WSCD1: variants seen among roughly 807,000 people sequenced by gnomAD.
WSCD1 encodes sialate:O-sulfotransferase 1.
A neutral mutation model predicts 60.4 loss-of-function variants in WSCD1; 41 were observed. The observed-to-expected ratio is 0.68, with a 90% CI of 0.53 to 0.88. The LOEUF is 0.88. Ranked by LOEUF, WSCD1 falls within the 40% of genes least tolerant of loss-of-function variation. WSCD1 has a pLI of 0.00. For missense variants in WSCD1, 784 were observed against 796.2 expected, an observed-to-expected ratio of 0.98 and a Z score of 0.18; for synonymous variants, 361 against 332.5, an observed-to-expected ratio of 1.09 and a Z score of -0.93.
intron 2 of WSCD1, among the ~76,000 whole-genome samples, chr17:6,087,093 G>A (rs1436050902): frequency 6.6e-6 from 1 of 152,208 alleles, no homozygotes; most frequent in African/African-American, 2.4e-5. Context: ...ACGGCTTGGG[G>A]ACTGTGTGAC....
At position 6,120,174 on chromosome 17, in the gene WSCD1, G is replaced by A; in HGVS notation, c.1376-135G>A. On this transcript the variant is annotated intron_variant, in intron 8 of 8. Coordinates refer to ENST00000317744, the MANE Select transcript of WSCD1 (RefSeq NM_015253.2). ...AGCCACCAAAGGGTCCTCCTCCATG[G>A]GGAATGCCAGGTTGACTCTAGGCAG... The A allele has an allele frequency of 6.1e-6, 6 of 976,560 alleles. No homozygotes were observed. The South Asian group carries it at 7.9e-5, about 13-fold the overall frequency. The allele number at this position is 976,560 out of a possible 1,614,324, so 60.5% of individuals were successfully genotyped here.
chr17:6,116,634 G>A (rs1487357904), intron 7 of WSCD1, among the ~76,000 whole-genome samples: 9 of 152,216 alleles, frequency 5.9e-5, no homozygotes, highest in Non-Finnish European at 1.3e-4. Flanking sequence ...CTGTTTGACA[G>A]AATGAATCAA....
intron 1 of WSCD1, among the ~76,000 whole-genome samples, chr17:6,076,986 G>C (rs978012122): frequency 3.5e-4 from 54 of 152,198 alleles, no homozygotes; most frequent in Non-Finnish European, 5.9e-5. Context: ...GTGCCCTGGA[G>C]GGGGGCTGCC....
In WSCD1 at chr17:6,123,123, A is replaced by G. The variant is rs1242140841; in HGVS notation, c.*2462A>G. On this transcript the variant is annotated 3_prime_UTR_variant, in exon 9 of 9. Transcript: ENST00000317744. The stretch of plus-strand genomic sequence containing the variant: ...ATCTACAGCTCTTAGCTTCTCAGTA[A>G]AGAGGATACTCTCCCAACCAGCCAA... 6.6e-6 allele frequency: 1 copy of G among 152,198 alleles called. No individual in the cohort carries two copies. Among genetic ancestry groups the G allele is most frequent in the East Asian group, 1.9e-4 (1 of 5,176 alleles). 9.4% of individuals were successfully genotyped at this position (152,198 alleles called of 1,614,324 possible).
At position 6,116,445 on chromosome 17, in the gene WSCD1, A is replaced by G. The variant is rs564208113; in HGVS notation, c.1175-1543A>G. Among the ~76,000 whole-genome samples, 37 of 152,260 alleles carry G rather than the reference A, an allele frequency of 2.4e-4. No homozygotes were observed. In the South Asian group the frequency reaches 7.5e-3, roughly 31 times the overall value. ...ACGCACAATTCACAAGGCATCTCCA[A>G]TGCCCAACCACCAAATCTATTGTGG... On this transcript the variant is annotated intron_variant, in intron 7 of 8. Coordinates refer to ENST00000317744, the MANE Select transcript of WSCD1 (RefSeq NM_015253.2).
intron 5 of WSCD1, among the ~76,000 whole-genome samples, chr17:6,105,166 G>A (rs1428529762): frequency 6.6e-6 from 1 of 152,150 alleles, no homozygotes; most frequent in Non-Finnish European, 1.5e-5. Context: ...GCTCTAGGCT[G>A]AATGCCCACC....
At chr17:6,073,368 C>T (rs1245805627) in intron 1 of WSCD1, among the ~76,000 whole-genome samples, 8 of 152,184 alleles carry the variant, frequency 5.3e-5, no homozygotes, top group Admixed American at 3.3e-4. Context: ...TGGTGGCTCA[C>T]ACCTGTAATT....
chr17:6,103,081 TCCA>T (rs1245542071), intron 5 of WSCD1, among the ~76,000 whole-genome samples: 1 of 152,158 alleles, frequency 6.6e-6, no homozygotes, highest in African/African-American at 2.4e-5. Flanking sequence ...ATACTCCTAC[TCCA>T]CCACTTTCTC....
In WSCD1 at chr17:6,080,399, A is replaced by C; in HGVS notation, c.-260A>C. 2.0e-6 allele frequency: 1 copy of C among 501,982 alleles called. No homozygotes were observed. The highest frequency in any genetic ancestry group is 3.5e-6 in the Non-Finnish European group (1 of 286,082). The allele number at this position is 501,982 out of a possible 1,614,324, so 31.1% of individuals were successfully genotyped here. ...TCTGCGCCAGGAGATGAGGGGCGGTAGAGCCCTGGAATGGAGATGTCCTTG... is the reference window on the plus strand; with the variant it reads ...TCTGCGCCAGGAGATGAGGGGCGGTCGAGCCCTGGAATGGAGATGTCCTTG... On this transcript the variant is annotated 5_prime_UTR_variant, in exon 2 of 9. It removes the in-frame stop codon of an upstream open reading frame in the 5' UTR. Transcript: ENST00000317744. The surrounding 1 kb of genome is among the most constrained non-coding windows in gnomAD (Gnocchi z 6.6).
At chr17:6,095,446 C>T (rs558503702) in intron 5 of WSCD1, among the ~76,000 whole-genome samples, 1 of 152,328 alleles carries the variant, frequency 6.6e-6, no homozygotes, top group Admixed American at 6.5e-5. Flanking sequence ...GAATTGTCAG[C>T]AAGGCTTGTA....
chr17:6,093,186 C>T (rs1567554507), intron 4 of WSCD1, among the ~76,000 whole-genome samples: 2 of 152,236 alleles, frequency 1.3e-5, no homozygotes, highest in South Asian at 2.1e-4. Flanking sequence ...CAGGTGACAA[C>T]CTGTGTCCTG....
chr17:6,083,314 T>C lies in WSCD1; in HGVS notation c.427+2229T>C, dbSNP rs1160204050. The stretch of plus-strand genomic sequence containing the variant: ...CTCTTCATTGCCTTCATTCCACGCT[T>C]ACTGATGAGCCACCAAATGACTCTT... On this transcript the variant is annotated intron_variant, in intron 2 of 8. Coordinates refer to ENST00000317744, the MANE Select transcript of WSCD1 (RefSeq NM_015253.2). Among the ~76,000 whole-genome samples the C allele has an allele frequency of 2.0e-5, 3 of 152,232 alleles. No individual in the cohort carries two copies. In the East Asian group the frequency reaches 5.8e-4, roughly 29 times the overall value.
At position 6,080,966 on chromosome 17, in the gene WSCD1, G is replaced by A. The variant is rs772780729; in HGVS notation, c.308G>A (p.Arg103Gln). The stretch of plus-strand genomic sequence containing the variant: ...CCCCGGCCCGGCCCCCGCTGGCTCC[G>A]GAGCCGCAACTCGGAGCTGCGTCAG... ...TRPRPGPRWL[R>Q]SRNSELRQLR... The change falls in exon 2 of 9, where the codon CGG (arginine) becomes CAG (glutamine). Residue 103 changes from arginine (R) to glutamine (Q), a missense_variant. Transcript: ENST00000317744. The surrounding 1 kb of genome is among the most constrained non-coding windows in gnomAD (Gnocchi z 6.6). 5.7e-5 allele frequency: 89 copies of A among 1,554,822 alleles called. No individual in the cohort carries two copies. Among genetic ancestry groups the A allele is most frequent in the Admixed American group, 1.9e-4 (10 of 51,822 alleles).
At chr17:6,086,005 G>A (rs2150537232) in intron 2 of WSCD1, among the ~76,000 whole-genome samples, 1 of 152,186 alleles carries the variant, frequency 6.6e-6, no homozygotes, top group South Asian at 2.1e-4. Context: ...GTCCCCAGAT[G>A]AAGGTGACCT....
chr17:6,088,785 C>T (rs1239619913), intron 3 of WSCD1, among the ~76,000 whole-genome samples: 1 of 81,416 alleles, frequency 1.2e-5, no homozygotes, highest in African/African-American at 3.3e-5. Context: ...ATTTTTTTCA[C>T]CTTTTTTTTT....
intron 7 of WSCD1, among the ~76,000 whole-genome samples, chr17:6,114,630 A>G (rs1567561695): frequency 6.6e-6 from 1 of 152,002 alleles, no homozygotes. Flanking sequence ...GAAGATGTAC[A>G]CTTATCATGC....
rs756353047 is a variant in WSCD1 at position 6,080,884 on chromosome 17, C to A, written c.226C>A (p.Arg76=). The change falls in exon 2 of 9, where the codon CGA becomes AGA. Residue 76 remains arginine, a synonymous_variant. Transcript: ENST00000317744. This position sits in a 1 kb window ranked among gnomAD's most constrained non-coding sequence, Gnocchi z 6.6. ...GGACAGCAGAGCCCTGCACGACCCT[C>A]GAGTCAGCCCAGAGCTGCTGCTGGG... ...LLDSRALHDP[R]VSPELLLGVD... The A allele has an allele frequency of 3.7e-6, 6 of 1,602,276 alleles. No homozygotes were observed. The highest frequency in any genetic ancestry group is 1.7e-5 in the Admixed American group (1 of 59,336).
chr17:6,115,067 T>C (rs1251393372), intron 7 of WSCD1, among the ~76,000 whole-genome samples: 1 of 152,182 alleles, frequency 6.6e-6, no homozygotes, highest in Non-Finnish European at 1.5e-5. Context: ...AGAGAATCAC[T>C]TGGTCCTGGC....
At chr17:6,072,384 C>T (rs1329789115) in intron 1 of WSCD1, among the ~76,000 whole-genome samples, 4 of 152,154 alleles carry the variant, frequency 2.6e-5, no homozygotes, top group African/African-American at 4.8e-5. Flanking sequence ...CCTGAGCAGG[C>T]GACTCAGAGC....
Sources: allele counts gnomAD v4.1 joint callset (sites outside exome capture counted in the v4.1 genomes callset), GRCh38; gene constraint gnomAD v4.1.1; non-coding constraint Gnocchi (gnomAD v3.1); transcripts MANE v1.5; gene names NCBI Gene and HGNC (gene_info 2026-07-23, HGNC 2026-07-21).